Variants in PHYHIPL observed in about 807,000 individuals in gnomAD.
PHYHIPL encodes phytanoyl-CoA hydroxylase-interacting protein-like.
A neutral mutation model predicts 33.4 loss-of-function variants in PHYHIPL; 9 were observed. That is an observed-to-expected ratio of 0.27 (90% CI 0.16 to 0.47). PHYHIPL has a LOEUF of 0.47. Ranked by LOEUF, PHYHIPL falls within the 20% of genes least tolerant of loss-of-function variation. The pLI is 0.99. For synonymous variants in PHYHIPL, 153 were observed against 154.1 expected (o/e 0.99, Z 0.05); for missense variants, 365 against 460.7 (o/e 0.79, Z 1.90).
chr10:59,197,488 T>C (rs1838951362), intron 1 of PHYHIPL, among the ~76,000 whole-genome samples: 1 of 152,216 alleles, frequency 6.6e-6, no homozygotes, highest in Non-Finnish European at 1.5e-5. Flanking sequence ...CCTGGCTGAC[T>C]AGTAAGCTCT....
chr10:59,247,441 A>T lies in PHYHIPL; in HGVS notation c.*1850A>T. The stretch of plus-strand genomic sequence containing the variant: ...ACCTGTTGTATTCTTCCCCCCGTTT[A>T]AATCCCTTCTCCTTGTATATAATTA... On this transcript the variant is annotated 3_prime_UTR_variant, in exon 5 of 5. Coordinates refer to ENST00000373880, the MANE Select transcript of PHYHIPL (RefSeq NM_032439.4). The T allele has an allele frequency of 1.3e-6, 1 of 746,318 alleles. No homozygotes were observed. The highest frequency in any genetic ancestry group is 2.2e-6 in the Non-Finnish European group (1 of 462,370). The allele number at this position is 746,318 out of a possible 1,614,324, so 46.2% of individuals were successfully genotyped here.
At chr10:59,238,111 A>T (rs897878608) in intron 3 of PHYHIPL, among the ~76,000 whole-genome samples, 1 of 151,772 alleles carries the variant, frequency 6.6e-6, no homozygotes, top group African/African-American at 2.4e-5. Flanking sequence ...AAAGTGGGTT[A>T]AAAAAAATCA....
intron 1 of PHYHIPL, among the ~76,000 whole-genome samples, chr10:59,183,210 C>A (rs1374202511): frequency 6.6e-6 from 1 of 151,758 alleles, no homozygotes; most frequent in East Asian, 1.9e-4. Flanking sequence ...AGAATCAGTA[C>A]AATATAAAAC....
intron 1 of PHYHIPL, among the ~76,000 whole-genome samples, chr10:59,185,191 C>T (rs946541677): frequency 1.2e-4 from 18 of 151,172 alleles, no homozygotes; most frequent in Non-Finnish European, 2.1e-4. Context: ...GGGGTTTCAC[C>T]GTTTTAGCCG....
intron 1 of PHYHIPL, among the ~76,000 whole-genome samples, chr10:59,233,546 G>C (rs1389509584): frequency 6.6e-6 from 1 of 151,566 alleles, no homozygotes; most frequent in Non-Finnish European, 1.5e-5. Flanking sequence ...AAACAAACTT[G>C]ACATGTTTGT....
chr10:59,205,763 G>GA (rs1272894921), intron 1 of PHYHIPL, among the ~76,000 whole-genome samples: 2 of 152,074 alleles, frequency 1.3e-5, no homozygotes, highest in Non-Finnish European at 2.9e-5. Flanking sequence ...TTTTCAGGCA[G>GA]AAAAAGGCAG....
At chr10:59,191,564 G>A (rs769982007) in intron 1 of PHYHIPL, among the ~76,000 whole-genome samples, 1 of 151,916 alleles carries the variant, frequency 6.6e-6, no homozygotes. Context: ...AAAACCCAAT[G>A]AAAAGTTGTC....
chr10:59,193,940 C>T (rs1423277252), intron 1 of PHYHIPL, among the ~76,000 whole-genome samples: 1 of 152,058 alleles, frequency 6.6e-6, no homozygotes, highest in Non-Finnish European at 1.5e-5. Context: ...TACATATTTA[C>T]ATTCTAATGA....
intron 1 of PHYHIPL, among the ~76,000 whole-genome samples, chr10:59,220,678 G>T (rs1261747694): frequency 6.6e-6 from 1 of 151,998 alleles, no homozygotes; most frequent in Non-Finnish European, 1.5e-5. Context: ...TTAGTTAAGT[G>T]ATTTGCCCCC....
At chr10:59,182,685 G>A (rs1838443341) in intron 1 of PHYHIPL, among the ~76,000 whole-genome samples, 1 of 152,100 alleles carries the variant, frequency 6.6e-6, no homozygotes, top group South Asian at 2.1e-4. Context: ...AGTGTTTGGA[G>A]ACAACTTAAA....
At chr10:59,221,117 C>T (rs941735192) in intron 1 of PHYHIPL, among the ~76,000 whole-genome samples, 3 of 151,918 alleles carry the variant, frequency 2.0e-5, no homozygotes, top group African/African-American at 7.2e-5. Flanking sequence ...TCTAAAATTA[C>T]CATCTAGTCT....
chr10:59,203,093 GA>G (rs1839173578), intron 1 of PHYHIPL, among the ~76,000 whole-genome samples: 1 of 152,086 alleles, frequency 6.6e-6, no homozygotes, highest in Non-Finnish European at 1.5e-5. Context: ...AACCCCATCA[GA>G]AGGTGGGCAA....
intron 1 of PHYHIPL, among the ~76,000 whole-genome samples, chr10:59,204,578 C>T (rs1281216471): frequency 6.6e-6 from 1 of 152,128 alleles, no homozygotes; most frequent in East Asian, 1.9e-4. Context: ...AACTCAAGGA[C>T]CAGATTCTCA....
At chr10:59,174,238 T>G (rs1387551303), upstream of PHYHIPL, among the ~76,000 whole-genome samples, 1 of 152,102 alleles carries the variant, frequency 6.6e-6, no homozygotes, top group Non-Finnish European at 1.5e-5. Flanking sequence ...TTTCTTGAGC[T>G]CTTCTACCCC....
chr10:59,202,182 A>G (rs1589270567), intron 1 of PHYHIPL, among the ~76,000 whole-genome samples: 1 of 152,112 alleles, frequency 6.6e-6, no homozygotes, highest in East Asian at 1.9e-4. Flanking sequence ...TTGAAGGACT[A>G]GTTTAAAATA....
intron 1 of PHYHIPL, among the ~76,000 whole-genome samples, chr10:59,208,944 C>A (rs1839365601): frequency 6.6e-6 from 1 of 152,140 alleles, no homozygotes; most frequent in Admixed American, 6.6e-5. Flanking sequence ...ACCAAACCTA[C>A]ATTTGATTGG....
Position 59,238,684 on chromosome 10 carries a change from A to C in PHYHIPL, c.575A>C (p.Lys192Thr). 6.3e-7 allele frequency: 1 copy of C among 1,589,964 alleles called. No individual in the cohort carries two copies. Among genetic ancestry groups the C allele is most frequent in the African/African-American group, 1.3e-5 (1 of 74,414 alleles). The stretch of plus-strand genomic sequence containing the variant: ...TCTGTTTTTTATCGTAATCAGCACA[A>C]AGAATATTTTGACTATGTTCGGTAA... ...KFSVFYRNQH[K>T]EYFDYVREHH... The change falls in exon 4 of 5, where the codon AAA becomes ACA. Residue 192 changes from lysine (K) to threonine (T), a missense_variant. This residue lies in a region of PHYHIPL where 196 missense variants were observed against 224.9 expected (regional missense o/e 0.87). Coordinates refer to ENST00000373880, the MANE Select transcript of PHYHIPL (RefSeq NM_032439.4).
At chr10:59,216,208 T>C (rs993387578) in intron 1 of PHYHIPL, among the ~76,000 whole-genome samples, 4 of 152,086 alleles carry the variant, frequency 2.6e-5, no homozygotes, top group South Asian at 4.1e-4. Flanking sequence ...GTTTAAAATT[T>C]AGTTCTTAGT....
At chr10:59,193,183 A>G (rs1838825550) in intron 1 of PHYHIPL, among the ~76,000 whole-genome samples, 1 of 152,138 alleles carries the variant, frequency 6.6e-6, no homozygotes, top group African/African-American at 2.4e-5. Flanking sequence ...TCATTTGGAA[A>G]TTAATTACTT....
Sources: gnomAD v4.1 joint callset for allele counts (sites outside exome capture counted in the v4.1 genomes callset) on GRCh38, gnomAD v4.1.1 for gene constraint, gnomAD v4.1.1 regional missense constraint, MANE v1.5 for transcripts, NCBI Gene and HGNC (gene_info 2026-07-23, HGNC 2026-07-21) for gene names.